UACA: variants seen among roughly 807,000 people sequenced by gnomAD.
UACA encodes the protein uveal autoantigen with coiled-coil domains and ankyrin repeats, also known as nuclear membrane binding protein.
UACA carries 112 observed loss-of-function variants against 160.5 expected under a neutral mutation model. That is an observed-to-expected ratio of 0.70 (90% CI 0.60 to 0.82). UACA has a LOEUF of 0.82. UACA is among the 40% of genes least tolerant of loss of function. UACA has a pLI of 0.00. For synonymous variants in UACA, 557 were observed against 568.4 expected (o/e 0.98, Z 0.29); for missense variants, 1,574 against 1,614.6 (o/e 0.97, Z 0.43).
chr15:70,660,253 G>C (rs754310761), intron 17 of UACA, 37 bp from the exon 18 acceptor site: 2 of 1,572,874 alleles, frequency 1.3e-6, no homozygotes, highest in Admixed American at 1.7e-5. Flanking sequence ...GTGACTATCA[G>C]CGTTCACATT....
intron 1 of UACA, among the ~76,000 whole-genome samples, chr15:70,735,999 A>G (rs1899352525): frequency 6.6e-6 from 1 of 152,208 alleles, no homozygotes; most frequent in African/African-American, 2.4e-5. Flanking sequence ...TTTAAAAAAG[A>G]AATGAATAAC....
At chr15:70,710,515 G>A (rs763872781) in intron 1 of UACA, among the ~76,000 whole-genome samples, 12 of 152,110 alleles carry the variant, frequency 7.9e-5, no homozygotes, top group Middle Eastern at 3.4e-3. Context: ...GTGTCAGATC[G>A]CACAGACCTA....
At position 70,667,066 on chromosome 15, in the gene UACA, C is replaced by T. The variant is rs767111911; in HGVS notation, c.3618G>A (p.Ser1206=). The change falls in exon 16 of 19, where the codon TCG becomes TCA. Residue 1206 remains serine (S), a synonymous_variant. Transcript: ENST00000322954. The stretch of plus-strand genomic sequence containing the variant: ...ATGCTTGTTTAGTATTCTGAACCTC[C>T]GACTGAAGTTTGGAGACTTCTTCCA... The part of the protein sequence containing the change: ...NKMEEVSKLQ[S]EVQNTKQALK... The T allele has an allele frequency of 5.0e-6, 8 of 1,613,298 alleles. No individual in the cohort carries two copies. In the African/African-American group the frequency reaches 5.3e-5, roughly 11 times the overall value.
chr15:70,746,079 G>C (rs1232759114), intron 1 of UACA, among the ~76,000 whole-genome samples: 2 of 152,122 alleles, frequency 1.3e-5, no homozygotes, highest in African/African-American at 2.4e-5. Context: ...CATGGGAAAA[G>C]ACTTCATGAC....
intron 1 of UACA, among the ~76,000 whole-genome samples, chr15:70,714,630 T>C (rs919932845): frequency 2.6e-5 from 4 of 151,996 alleles, no homozygotes; most frequent in Non-Finnish European, 5.9e-5. Flanking sequence ...AAATAATAAA[T>C]CTAACCTCTT....
intron 1 of UACA, among the ~76,000 whole-genome samples, chr15:70,700,524 G>A (rs536441868): frequency 1.7e-3 from 258 of 151,450 alleles, no homozygotes; most frequent in African/African-American, 5.8e-3. Context: ...TATAAAAAAT[G>A]TTTTTTATTT....
At chr15:70,755,940 C>G (rs1313166302) in intron 1 of UACA, among the ~76,000 whole-genome samples, 2 of 152,078 alleles carry the variant, frequency 1.3e-5, no homozygotes, top group African/African-American at 4.8e-5. Context: ...TCACACTCTA[C>G]CTTTCAACCT....
chr15:70,747,939 A>C (rs376280642), intron 1 of UACA, among the ~76,000 whole-genome samples: 56 of 152,342 alleles, frequency 3.7e-4, no homozygotes, highest in African/African-American at 1.3e-3. Context: ...TCTTAAATAC[A>C]AGTCCAGGTG....
Position 70,699,665 on chromosome 15 carries a change from AAAAAG to A in UACA, c.79-10_79-6del. 1 of 1,609,316 alleles carries A rather than the reference AAAAAG, an allele frequency of 6.2e-7. No individual in the cohort carries two copies. The highest frequency in any genetic ancestry group is 8.5e-7 in the Non-Finnish European group (1 of 1,178,718). Reference sequence around the variant, plus strand: ...TTTATTCCAATCTGCTGCATGCTACAAAAAGGAAAAAAAAAAGTAAATATGGCATA... The same window carrying A: ...TTTATTCCAATCTGCTGCATGCTACAGAAAAAAAAAAGTAAATATGGCATA... On this transcript the variant is annotated splice_polypyrimidine_tract_variant and splice_region_variant and intron_variant, in intron 1 of 18. Transcript: ENST00000322954.
chr15:70,715,124 G>A (rs377088142), intron 1 of UACA, among the ~76,000 whole-genome samples: 5 of 151,958 alleles, frequency 3.3e-5, no homozygotes, highest in East Asian at 1.9e-4. Context: ...AAGTGTATTC[G>A]ACAAGAGTTC....
intron 1 of UACA, among the ~76,000 whole-genome samples, chr15:70,704,177 T>G (rs1369962981): frequency 1.3e-5 from 2 of 152,200 alleles, no homozygotes; most frequent in Non-Finnish European, 2.9e-5. Context: ...AGTCACTAGA[T>G]TCTCACCCAT....
intron 1 of UACA, among the ~76,000 whole-genome samples, chr15:70,741,879 A>C (rs775109903): frequency 1.1e-4 from 16 of 152,200 alleles, no homozygotes; most frequent in Non-Finnish European, 1.9e-4. Flanking sequence ...GGTTAGAATG[A>C]ACAACAAAAA....
intron 1 of UACA, among the ~76,000 whole-genome samples, chr15:70,707,960 A>T (rs1170194804): frequency 6.6e-6 from 1 of 152,232 alleles, no homozygotes; most frequent in Non-Finnish European, 1.5e-5. Context: ...TCTCCTAGAG[A>T]TATCTGCATA....
rs1237191959 is a variant in UACA, at chr15:70,668,897, C to G, written c.1787G>C (p.Ser596Thr). ...CTTCTCTCGCTCCATTTCACACATA[C>G]TAAGTTCCTTCTGTAATCGCTTATT... is the stretch of plus-strand genomic sequence containing the variant. ...EENKRLQKEL[S>T]MCEMEREKKG... The change falls in exon 16 of 19, where the codon AGT (serine) becomes ACT (threonine). Residue 596 changes from serine to threonine, a missense_variant. Coordinates refer to ENST00000322954, the MANE Select transcript of UACA (RefSeq NM_018003.4). 1 of 1,613,598 alleles carries G rather than the reference C, an allele frequency of 6.2e-7. No homozygotes were observed. Among genetic ancestry groups the G allele is most frequent in the South Asian group, 1.1e-5 (1 of 91,006 alleles).
intron 7 of UACA, 148 bp from the exon 8 acceptor site, chr15:70,684,594 T>G: frequency 1.4e-6 from 1 of 696,364 alleles, no homozygotes; most frequent in Non-Finnish European, 2.2e-6. Flanking sequence ...AGCAAGTGAC[T>G]ATAATGTAAG....
intron 1 of UACA, among the ~76,000 whole-genome samples, chr15:70,728,840 A>C (rs931760305): frequency 6.6e-6 from 1 of 152,200 alleles, no homozygotes; most frequent in Non-Finnish European, 1.5e-5. Flanking sequence ...TAATGCAACA[A>C]GCAAAAAACA....
chr15:70,677,537 C>A (rs969742081), intron 11 of UACA, among the ~76,000 whole-genome samples: 3 of 152,164 alleles, frequency 2.0e-5, no homozygotes, highest in South Asian at 4.1e-4. Context: ...AAGGACACAG[C>A]TGTACCAATC....
chr15:70,682,781 T>C lies in UACA; in HGVS notation c.799A>G (p.Lys267Glu). The C allele has an allele frequency of 6.4e-7, 1 of 1,566,284 alleles. No homozygotes were observed. The highest frequency in any genetic ancestry group is 8.6e-7 in the Non-Finnish European group (1 of 1,157,956). Residue 267 changes from lysine to glutamate, a missense_variant, in exon 9 of 19, where the codon AAG (lysine) becomes GAG (glutamate). Lys to Glu is a moderately conservative substitution (Grantham distance 56, BLOSUM62 1). Transcript: ENST00000322954. The part of the protein sequence containing the change: ...ENTNKGRELW[K>E]KGPSLQQRNL... ...ACCTGTTGCAAAGATGGCCCTTTCT[T>C]CCAAAGTTCTCTCCCTAAGATTTAG...
chr15:70,676,962 T>C (rs1234309513), intron 12 of UACA, 146 bp downstream of exon 12: 16 of 601,170 alleles, frequency 2.7e-5, no homozygotes, highest in South Asian at 5.9e-5. Context: ...CATCCTTTTT[T>C]AGTCATCTAT....
Sources: gnomAD v4.1 joint callset for allele counts (sites outside exome capture counted in the v4.1 genomes callset) on GRCh38, gnomAD v4.1.1 for gene constraint, MANE v1.5 for transcripts, NCBI Gene and HGNC (gene_info 2026-07-23, HGNC 2026-07-21) for gene names.